The following SEPTIN10 variants were observed in gnomAD, a reference collection of about 807,000 sequenced individuals.
SEPTIN10 encodes the protein septin 10.
A neutral mutation model predicts 54.8 loss-of-function variants in SEPTIN10; 66 were observed. The observed-to-expected ratio is 1.21, with a 90% CI of 0.99 to 1.48. The LOEUF (loss-of-function observed/expected upper bound fraction) is 1.48. Ranked by LOEUF, SEPTIN10 falls within the 40% of genes most tolerant of loss-of-function variation. SEPTIN10 has a pLI of 0.00. For synonymous variants in SEPTIN10, 161 were observed against 181.0 expected (o/e 0.89, Z 0.89); for missense variants, 620 against 545.6 (o/e 1.14, Z -1.36).
chr2:109,576,797 A>C (rs1055950795), intron 4 of SEPTIN10, among the ~76,000 whole-genome samples: 2 of 152,190 alleles, frequency 1.3e-5, no homozygotes, highest in Non-Finnish European at 2.9e-5. Flanking sequence ...ACAAAAAGAT[A>C]AAAAATATGA....
intron 1 of SEPTIN10, chr2:109,613,000 G>C (rs1294584900): frequency 2.1e-6 from 1 of 477,290 alleles, no homozygotes; most frequent in Non-Finnish European, 4.1e-6. Context: ...AAGAGCTTTT[G>C]TTTACACAGA....
At chr2:109,553,305 G>GATTAC in intron 8 of SEPTIN10, 86 bp from the exon 9 acceptor site, 1 of 1,417,616 alleles carries the variant, frequency 7.1e-7, no homozygotes, top group Non-Finnish European at 9.6e-7. Context: ...AACACTTTGG[G>GATTAC]AGGCCGAGGC....
rs1680461231 is a variant in SEPTIN10, at chr2:109,543,613, G to A, written c.*696C>T. The A allele has an allele frequency of 6.6e-6, 1 of 152,126 alleles. No homozygotes were observed. The highest frequency in any genetic ancestry group is 1.5e-5 in the Non-Finnish European group (1 of 68,042). The allele number at this position is 152,126 out of a possible 1,614,324, so 9.4% of individuals were successfully genotyped here. ...AGCATATATAAAAAAGGTTCATCTT[G>A]GAATATAAATGTAATCAGATAGCCA... On this transcript the variant is annotated 3_prime_UTR_variant, in exon 11 of 11. Transcript: ENST00000397712.
At chr2:109,545,483 C>T (rs767007810) in intron 10 of SEPTIN10, 7 of 1,536,040 alleles carry the variant, frequency 4.6e-6, no homozygotes, top group South Asian at 2.4e-5. Flanking sequence ...TTTACGTCCA[C>T]CATTGGTTTC....
intron 9 of SEPTIN10, among the ~76,000 whole-genome samples, chr2:109,550,629 A>T (rs925584781): frequency 7.2e-5 from 11 of 152,188 alleles, no homozygotes; most frequent in Non-Finnish European, 1.3e-4. Flanking sequence ...TTTAGAAATT[A>T]GAAATAAATG....
In SEPTIN10 at chr2:109,565,805, T is replaced by G. The variant is rs938030882; in HGVS notation, c.817A>C (p.Lys273Gln). 20 of 1,614,008 alleles carry G rather than the reference T, an allele frequency of 1.2e-5. No individual in the cohort carries two copies. The highest frequency in any genetic ancestry group is 1.6e-5 in the Non-Finnish European group (19 of 1,180,024). Residue 273 changes from lysine (K) to glutamine (Q), a missense_variant, in exon 7 of 11, where the codon AAG (lysine) becomes CAG (glutamine). Lys to Gln is a moderately conservative substitution (Grantham distance 53). Transcript: ENST00000397712. ...GGGTACTGGCGAGCTTTGACCATCT[T>G]GTTTCCGACTTTTACCTCATCCATA... ...GSMDEVKVGNKMVKARQYPWG... is the reference protein window; with the variant it reads ...GSMDEVKVGNQMVKARQYPWG...
chr2:109,608,458 A>T (rs1698511750), intron 1 of SEPTIN10, among the ~76,000 whole-genome samples: 1 of 152,236 alleles, frequency 6.6e-6, no homozygotes, highest in South Asian at 2.1e-4. Context: ...GGAGGAAGGT[A>T]AAGGAAATCA....
At chr2:109,588,229 A>G (rs1250474775) in intron 2 of SEPTIN10, among the ~76,000 whole-genome samples, 1 of 152,242 alleles carries the variant, frequency 6.6e-6, no homozygotes, top group Non-Finnish European at 1.5e-5. Context: ...GTTGGCCCAC[A>G]GTATAAAAAA....
chr2:109,544,883 G>A (rs182883535), intron 10 of SEPTIN10: 9 of 888,544 alleles, frequency 1.0e-5, no homozygotes, highest in Middle Eastern at 5.8e-4. Flanking sequence ...CCCTTGGAGA[G>A]CTTGCATTGA....
Position 109,613,953 on chromosome 2 carries a change from G to A in SEPTIN10, c.-126C>T, listed in dbSNP as rs892697494. 1.4e-5 allele frequency: 17 copies of A among 1,212,178 alleles called. No homozygotes were observed. In the Admixed American group the frequency reaches 3.0e-4, roughly 22 times the overall value. 75.1% of individuals were successfully genotyped at this position (1,212,178 alleles called of 1,614,324 possible). ...CGGGGCGCGAGGCTAGGCTGCCTCC[G>A]CGACGGGGAAGGGACAGGGGCGGGG... On this transcript the variant is annotated 5_prime_UTR_variant, in exon 1 of 11. Transcript: ENST00000397712.
chr2:109,573,551 C>G (rs556236957), intron 5 of SEPTIN10, among the ~76,000 whole-genome samples: 1 of 152,108 alleles, frequency 6.6e-6, no homozygotes, highest in African/African-American at 2.4e-5. Context: ...GTAAATCGAC[C>G]GATGTGCCAA....
chr2:109,565,919 A>T, intron 6 of SEPTIN10, 60 bp from the exon 7 acceptor site: 1 of 1,353,312 alleles, frequency 7.4e-7, no homozygotes, highest in Non-Finnish European at 1.1e-6. Context: ...TAGATAAAAT[A>T]AATTTTATGT....
chr2:109,574,747 T>C lies in SEPTIN10; in HGVS notation c.434A>G (p.Tyr145Cys), dbSNP rs780395467. 4.4e-6 allele frequency: 7 copies of C among 1,593,084 alleles called. No individual in the cohort carries two copies. In the East Asian group the frequency reaches 1.6e-4, roughly 36 times the overall value. ...KEESYQPIVD[Y>C]IDAQFEAYLQ... ...ATAGGCCTCAAACTGAGCATCTATG[T>C]AGTCAACTATTGGTTGGTAGCTGAA... Residue 145 changes from tyrosine to cysteine, a missense_variant, in exon 5 of 11, where the codon TAC becomes TGC. Transcript: ENST00000397712.
intron 1 of SEPTIN10, among the ~76,000 whole-genome samples, chr2:109,607,895 C>T (rs1004807040): frequency 3.3e-5 from 5 of 151,962 alleles, no homozygotes; most frequent in East Asian, 1.9e-4. Flanking sequence ...TTTTATAAGA[C>T]GACAAAAGGA....
intron 7 of SEPTIN10, 132 bp downstream of exon 7, chr2:109,565,630 TA>T (rs1686803466): frequency 1.3e-6 from 1 of 790,690 alleles, no homozygotes; most frequent in Non-Finnish European, 2.1e-6. Flanking sequence ...AGACTTTGGC[TA>T]AAATAGTACA....
chr2:109,581,268 C>T (rs777393292), intron 4 of SEPTIN10, among the ~76,000 whole-genome samples: 11 of 151,846 alleles, frequency 7.2e-5, no homozygotes, highest in Non-Finnish European at 1.6e-4. Flanking sequence ...GGTGAAACCC[C>T]GTCTCTACTT....
Position 109,585,809 on chromosome 2 carries a change from C to T in SEPTIN10, c.129G>A (p.Met43Ile). The T allele has an allele frequency of 1.9e-6, 3 of 1,611,362 alleles. No individual in the cohort carries two copies. The highest frequency in any genetic ancestry group is 2.5e-6 in the Non-Finnish European group (3 of 1,178,492). ...AACTCTCAAAACCAACATGGCCAGA[C>T]ATAGTCAACGAACGAATGTTTTCTC... ...IKRENIRSLTMSGHVGFESLP... is the reference protein window; with the variant it reads ...IKRENIRSLTISGHVGFESLP... The change falls in exon 3 of 11, where the codon ATG (methionine) becomes ATA (isoleucine). Residue 43 changes from methionine (M) to isoleucine (I), a missense_variant. By Grantham distance (10) the Met-to-Ile change is conservative. Transcript: ENST00000397712.
At chr2:109,548,433 C>T (rs1164674733) in intron 9 of SEPTIN10, among the ~76,000 whole-genome samples, 1 of 152,092 alleles carries the variant, frequency 6.6e-6, no homozygotes, top group East Asian at 1.9e-4. Flanking sequence ...TTGAGGTTTA[C>T]AGGCTCATTG....
At chr2:109,610,545 T>C (rs1168463003) in intron 1 of SEPTIN10, among the ~76,000 whole-genome samples, 1 of 152,096 alleles carries the variant, frequency 6.6e-6, no homozygotes, top group Admixed American at 6.6e-5. Flanking sequence ...AGAAACCCTG[T>C]GTCTACTAAA....
Sources: allele counts gnomAD v4.1 joint callset (sites outside exome capture counted in the v4.1 genomes callset), GRCh38; gene constraint gnomAD v4.1.1; transcripts MANE v1.5; gene names NCBI Gene and HGNC (gene_info 2026-07-23, HGNC 2026-07-21).